The following PDK3 variants were observed in gnomAD, a reference collection of about 807,000 sequenced individuals.
PDK3 encodes the protein pyruvate dehydrogenase kinase, isozyme 3.
Under a neutral mutation model 32.0 loss-of-function variants are expected in PDK3, and 12 were observed. That is an observed-to-expected ratio of 0.37 (90% CI 0.24 to 0.61). The LOEUF is 0.61. PDK3 is among the 20% of genes least tolerant of loss of function. The pLI, the probability that PDK3 is intolerant of heterozygous loss-of-function variation, is 0.65. For synonymous variants in PDK3, 122 were observed against 116.3 expected (o/e 1.05, Z -0.31); for missense variants, 188 against 316.9 (o/e 0.59, Z 3.09).
exon 12 of PDK3, among the ~76,000 whole-genome samples, chrX:24,542,856 G>A (rs1365185594): frequency 1.8e-5 from 2 of 112,319 alleles, no homozygotes; most frequent in Non-Finnish European, 3.8e-5. Flanking sequence ...GGGTTTTCTT[G>A]CATATTTACA....
At chrX:24,488,004 CAAAAAAAA>C (rs34710130) in intron 1 of PDK3, among the ~76,000 whole-genome samples, 2 of 27,478 alleles carry the variant, frequency 7.3e-5, no homozygotes, top group African/African-American at 1.3e-4. Context: ...AACTCCATCT[CAAAAAAAA>C]AAAAAAAAAA....
At chrX:24,524,892 T>C (rs1353595708) in intron 6 of PDK3, among the ~76,000 whole-genome samples, 1 of 112,376 alleles carries the variant, frequency 8.9e-6, no homozygotes, top group Non-Finnish European at 1.9e-5. Context: ...GCACGGTGGC[T>C]CACGCCTGCA....
chrX:24,476,011 C>A (rs947706527), intron 1 of PDK3, among the ~76,000 whole-genome samples: 4 of 111,525 alleles, frequency 3.6e-5, no homozygotes, highest in African/African-American at 1.3e-4. Flanking sequence ...GGTTTTGTTA[C>A]TGGATGGAAT....
At chrX:24,474,797 G>T (rs1432647975) in intron 1 of PDK3, among the ~76,000 whole-genome samples, 1 of 111,524 alleles carries the variant, frequency 9.0e-6, no homozygotes, top group Non-Finnish European at 1.9e-5. Flanking sequence ...TAGCCCTGCC[G>T]TCTTTTCACA....
chrX:24,523,532 C>T (rs993378066), intron 6 of PDK3, among the ~76,000 whole-genome samples: 4 of 112,159 alleles, frequency 3.6e-5, no homozygotes, highest in African/African-American at 1.3e-4. Context: ...GTGCAATGGA[C>T]TGGAATGGGA....
exon 12 of PDK3, among the ~76,000 whole-genome samples, chrX:24,544,486 G>A (rs940910590): frequency 3.6e-5 from 4 of 111,863 alleles, no homozygotes; most frequent in Non-Finnish European, 3.8e-5. Context: ...GCCTGTCCTC[G>A]TTTTTCTGGA....
intron 1 of PDK3, among the ~76,000 whole-genome samples, chrX:24,491,830 G>A (rs992352211): frequency 1.8e-5 from 2 of 110,870 alleles, no homozygotes; most frequent in African/African-American, 6.6e-5. Flanking sequence ...CACCTACCTG[G>A]GAGGCTGAGG....
downstream of PDK3, among the ~76,000 whole-genome samples, chrX:24,536,722 A>G (rs1922784539): frequency 9.1e-6 from 1 of 110,366 alleles, no homozygotes; most frequent in Non-Finnish European, 1.9e-5. Context: ...TTTTTTTTAC[A>G]TCTATATTTC....
intron 1 of PDK3, among the ~76,000 whole-genome samples, chrX:24,484,845 CCTCT>C (rs56683164): frequency 9.5e-6 from 1 of 105,294 alleles, no homozygotes; most frequent in South Asian, 4.2e-4. Context: ...CATCCCTATT[CCTCT>C]CTCTCTCTCT....
At chrX:24,489,338 T>C (rs1921488235) in intron 1 of PDK3, among the ~76,000 whole-genome samples, 2 of 112,209 alleles carry the variant, frequency 1.8e-5, no homozygotes, top group East Asian at 5.6e-4. Context: ...CTAAACCTAA[T>C]GTAGAATGTA....
chrX:24,509,540 A>C (rs1439654249), intron 5 of PDK3, among the ~76,000 whole-genome samples: 2 of 110,531 alleles, frequency 1.8e-5, no homozygotes, highest in Non-Finnish European at 3.8e-5. Flanking sequence ...ACATGTACAC[A>C]CATACAAATC....
chrX:24,498,785 C>T, intron 2 of PDK3, 44 bp from the exon 3 acceptor site: 1 of 858,030 alleles, frequency 1.2e-6, no homozygotes, highest in Admixed American at 3.2e-5. Flanking sequence ...GGGCAGGCAA[C>T]TAACATAGTA....
chrX:24,518,912 A>C (rs1281409968), intron 5 of PDK3, 21 bp from the exon 6 acceptor site: 1 of 1,118,587 alleles, frequency 8.9e-7, no homozygotes, highest in Non-Finnish European at 1.2e-6. Context: ...ACAGCAGCTA[A>C]ACTTTTTCCT....
intron 10 of PDK3, among the ~76,000 whole-genome samples, 159 bp from the exon 11 acceptor site, chrX:24,533,770 C>G (rs1333779850): frequency 8.9e-6 from 1 of 111,891 alleles, no homozygotes; most frequent in African/African-American, 3.3e-5. Flanking sequence ...TAATGTTTTC[C>G]TGGCCAGTCT....
intron 1 of PDK3, among the ~76,000 whole-genome samples, chrX:24,474,378 GTTTAT>G (rs1048484920): frequency 4.2e-5 from 4 of 96,079 alleles, no homozygotes; most frequent in Admixed American, 1.2e-4. Context: ...AGTTATATAA[GTTTAT>G]TTTATTTATT....
chrX:24,527,939 C>T (rs934297449), intron 8 of PDK3, 137 bp from the exon 9 acceptor site: 26 of 468,005 alleles, frequency 5.6e-5, no homozygotes, highest in East Asian at 1.5e-4. Context: ...ACAAAGGAAC[C>T]GTATGTCACT....
At chrX:24,469,885 C>A (rs753043271) in intron 1 of PDK3, among the ~76,000 whole-genome samples, 2 of 112,288 alleles carry the variant, frequency 1.8e-5, no homozygotes, top group East Asian at 5.5e-4. Flanking sequence ...ATTAACATAT[C>A]TATCATCTCA....
At chrX:24,540,472 G>A (rs147483867) in exon 12 of PDK3, among the ~76,000 whole-genome samples, 1,433 of 112,041 alleles carry the variant, frequency 0.013, 25 homozygotes, top group African/African-American at 0.043. Flanking sequence ...TGATAGTACC[G>A]ATGCAATTAG....
chrX:24,498,582 C>T (rs1358862286), intron 2 of PDK3, among the ~76,000 whole-genome samples: 9 of 111,690 alleles, frequency 8.1e-5, no homozygotes, highest in Non-Finnish European at 1.5e-4. Context: ...AGGCTTAGAC[C>T]TAAACTATTG....
Sources: gnomAD v4.1 joint callset for allele counts (sites outside exome capture counted in the v4.1 genomes callset) on GRCh38, gnomAD v4.1.1 for gene constraint, MANE v1.5 for transcripts, NCBI Gene and HGNC (gene_info 2026-07-23, HGNC 2026-07-21) for gene names.